ADAM12: variants seen among roughly 807,000 people sequenced by gnomAD.
ADAM12 encodes the protein disintegrin and metalloproteinase domain-containing protein 12.
In ADAM12, 70 loss-of-function variants were observed where a neutral mutation model predicts 106.4. That is an observed-to-expected ratio of 0.66 (90% CI 0.54 to 0.80). The LOEUF (loss-of-function observed/expected upper bound fraction) is 0.80. ADAM12 is among the 30% of genes least tolerant of loss of function. The pLI is 0.00. For synonymous variants in ADAM12, 420 were observed against 433.5 expected, an observed-to-expected ratio of 0.97 and a Z score of 0.39; for missense variants, 1,010 against 1,171.9, an observed-to-expected ratio of 0.86 and a Z score of 2.02.
At position 126,315,764 on chromosome 10, in the gene ADAM12, C is replaced by G. The variant is rs61081341; in HGVS notation, c.186+14648G>C. Among the ~76,000 whole-genome samples the G allele has an allele frequency of 6.4e-4, 98 of 152,140 alleles. 1 individual carries two copies. The highest frequency in any genetic ancestry group is 2.3e-3 in the African/African-American group (95 of 41,512). Reference sequence around the variant, plus strand: ...ACTTAAAACTGCAAGGCAAGGGTGTCTGTAGATGTGTGATTCTTCACTTTT... The same window carrying G: ...ACTTAAAACTGCAAGGCAAGGGTGTGTGTAGATGTGTGATTCTTCACTTTT... On this transcript the variant is annotated intron_variant, in intron 2 of 22. Transcript: ENST00000448723.
chr10:126,052,584 CA>C (rs1414391151), intron 14 of ADAM12, among the ~76,000 whole-genome samples: 3 of 152,126 alleles, frequency 2.0e-5, no homozygotes, highest in African/African-American at 7.2e-5. Context: ...CGTGAGCTTA[CA>C]AACAGCTCAA....
chr10:126,244,782 G>A (rs1958596767), intron 3 of ADAM12, among the ~76,000 whole-genome samples: 1 of 152,196 alleles, frequency 6.6e-6, no homozygotes, highest in Admixed American at 6.5e-5. Flanking sequence ...TGGAATGAAA[G>A]AGGAAGGAAA....
intron 3 of ADAM12, among the ~76,000 whole-genome samples, chr10:126,165,467 G>A (rs1011273056): frequency 6.6e-6 from 1 of 152,208 alleles, no homozygotes; most frequent in Non-Finnish European, 1.5e-5. Flanking sequence ...GGGGGCATTC[G>A]CTTTTGATAC....
At chr10:126,220,355 T>C (rs1164845425) in intron 3 of ADAM12, among the ~76,000 whole-genome samples, 1 of 152,114 alleles carries the variant, frequency 6.6e-6, no homozygotes, top group South Asian at 2.1e-4. Context: ...GGTCAGGGAA[T>C]GCAAGGAACT....
chr10:126,041,760 C>T, intron 18 of ADAM12: 1 of 1,063,712 alleles, frequency 9.4e-7, no homozygotes, highest in Non-Finnish European at 1.1e-6. Flanking sequence ...GGACACTGGG[C>T]CCAACCCTTG....
chr10:126,322,559 A>G (rs894515609), intron 2 of ADAM12, among the ~76,000 whole-genome samples: 2 of 152,200 alleles, frequency 1.3e-5, no homozygotes, highest in Admixed American at 1.3e-4. Context: ...CACACACAGC[A>G]AAGGCTTATC....
chr10:126,032,802 C>A (rs1953993460), intron 21 of ADAM12, among the ~76,000 whole-genome samples: 1 of 152,066 alleles, frequency 6.6e-6, no homozygotes, highest in South Asian at 2.1e-4. Context: ...CCTTCCATGA[C>A]TGCAAATCTA....
At chr10:126,172,131 C>T (rs975180014) in intron 3 of ADAM12, among the ~76,000 whole-genome samples, 4 of 152,182 alleles carry the variant, frequency 2.6e-5, no homozygotes, top group Non-Finnish European at 5.9e-5. Flanking sequence ...ATCAACACTT[C>T]TTGGGGTCAG....
chr10:126,366,129 T>C (rs1855900629), intron 1 of ADAM12, among the ~76,000 whole-genome samples: 2 of 151,982 alleles, frequency 1.3e-5, no homozygotes, highest in Non-Finnish European at 1.5e-5. Flanking sequence ...GACACAAATA[T>C]GTATAAAAAA....
At chr10:126,266,737 A>G (rs918744444) in intron 3 of ADAM12, among the ~76,000 whole-genome samples, 3 of 152,174 alleles carry the variant, frequency 2.0e-5, no homozygotes, top group African/African-American at 7.2e-5. Flanking sequence ...GGAGCTTTCA[A>G]TCATGGTGGA....
At chr10:126,138,579 T>C (rs927890325) in intron 4 of ADAM12, among the ~76,000 whole-genome samples, 9 of 152,292 alleles carry the variant, frequency 5.9e-5, no homozygotes, top group African/African-American at 2.2e-4. Context: ...TTTCACCATA[T>C]TGGCCAGGCT....
At chr10:126,120,520 C>T (rs1326599288) in intron 5 of ADAM12, among the ~76,000 whole-genome samples, 2 of 152,178 alleles carry the variant, frequency 1.3e-5, no homozygotes, top group Non-Finnish European at 2.9e-5. Flanking sequence ...GATGTGTTGA[C>T]AGGCTTCAGT....
chr10:126,059,289 C>T (rs1229593360), intron 14 of ADAM12, among the ~76,000 whole-genome samples: 1 of 151,858 alleles, frequency 6.6e-6, no homozygotes, highest in Non-Finnish European at 1.5e-5. Flanking sequence ...CAAATCAGCT[C>T]CTCCTTCCCT....
chr10:126,020,063 G>A (rs1265482882), intron 21 of ADAM12, among the ~76,000 whole-genome samples: 1 of 152,196 alleles, frequency 6.6e-6, no homozygotes, highest in Non-Finnish European at 1.5e-5. Flanking sequence ...CTGCCCCTGG[G>A]CCCTGGGGTA....
rs1472519666 is a variant in ADAM12 at position 126,086,680 on chromosome 10, A to AT, written c.1145+7304_1145+7305insA. Among the ~76,000 whole-genome samples, 198 of 24,278 alleles carry AT rather than the reference A, an allele frequency of 8.2e-3. 4 individuals carry two copies. The highest frequency in any genetic ancestry group is 9.6e-3 in the Non-Finnish European group (164 of 17,068). The allele number at this position is 24,278 out of a possible 152,430, so 15.9% of individuals were successfully genotyped here. A position where few individuals can be genotyped will look rare whatever the true frequency, so the allele number is the denominator to read the frequency against. On this transcript the variant is annotated intron_variant, in intron 11 of 22. Transcript: ENST00000448723. ...AAAAAAAAAAAAAAAAAAAAAAAAA[A>AT]ATATATATATATATATATATATATA...
chr10:126,293,093 G>C (rs1452516875), intron 2 of ADAM12, among the ~76,000 whole-genome samples: 4 of 152,192 alleles, frequency 2.6e-5, no homozygotes, highest in Non-Finnish European at 5.9e-5. Context: ...AACCCACAAG[G>C]CTCCTTCAGC....
intron 6 of ADAM12, among the ~76,000 whole-genome samples, chr10:126,113,385 C>A (rs943327781): frequency 6.6e-6 from 1 of 151,586 alleles, no homozygotes; most frequent in South Asian, 2.1e-4. Flanking sequence ...TGCAACTGGG[C>A]GTGGTGGCTT....
At chr10:126,027,680 A>G (rs1216352875) in intron 21 of ADAM12, among the ~76,000 whole-genome samples, 1 of 152,128 alleles carries the variant, frequency 6.6e-6, no homozygotes, top group Non-Finnish European at 1.5e-5. Context: ...AATATAAAAA[A>G]CTCCCAATAA....
At chr10:126,115,756 G>T (rs951571328) in intron 6 of ADAM12, among the ~76,000 whole-genome samples, 1 of 152,092 alleles carries the variant, frequency 6.6e-6, no homozygotes, top group African/African-American at 2.4e-5. Flanking sequence ...CCTTTCTATT[G>T]ATTTTTTTTT....
Sources: allele counts gnomAD v4.1 joint callset (sites outside exome capture counted in the v4.1 genomes callset), GRCh38; gene constraint gnomAD v4.1.1; transcripts MANE v1.5; gene names NCBI Gene and HGNC (gene_info 2026-07-23, HGNC 2026-07-21).